Variants in NIBAN1 observed in about 807,000 individuals in gnomAD.
NIBAN1 encodes protein Niban 1.
Under a neutral mutation model 75.1 loss-of-function variants are expected in NIBAN1, and 81 were observed. That is an observed-to-expected ratio of 1.08 (90% CI 0.90 to 1.30). NIBAN1 has a LOEUF of 1.30. Among genes scored for constraint, NIBAN1 ranks in the 50% most tolerant of loss-of-function variants. NIBAN1 has a pLI of 0.00. For missense variants in NIBAN1, 1,133 were observed against 1,128.1 expected (o/e 1.00, Z -0.06); for synonymous variants, 436 against 424.8 (o/e 1.03, Z -0.32).
rs530959486 is a variant in NIBAN1 at position 184,925,582 on chromosome 1, A to AT, written c.56-26274dup. On this transcript the variant is annotated intron_variant, in intron 1 of 13. Coordinates refer to ENST00000367511, the MANE Select transcript of NIBAN1 (RefSeq NM_052966.4). ...TTTTTATTTTTTTGTTTGTTATATGATTTTTTTATTTGAGGCTACCATGAG... is the reference window on the plus strand; with the variant it reads ...TTTTTATTTTTTTGTTTGTTATATGATTTTTTTTATTTGAGGCTACCATGAG... 2.1e-4 allele frequency among the ~76,000 whole-genome samples: 32 copies of AT among 150,164 alleles called. 1 individual carries two copies. The South Asian group carries it at 6.5e-3, about 30-fold the overall frequency.
chr1:184,810,819 T>C (rs893933439), intron 9 of NIBAN1, among the ~76,000 whole-genome samples: 2 of 152,154 alleles, frequency 1.3e-5, no homozygotes, highest in Non-Finnish European at 2.9e-5. Flanking sequence ...TCAGGTAAAC[T>C]CCTTTAAATT....
intron 9 of NIBAN1, among the ~76,000 whole-genome samples, chr1:184,816,333 C>CA (rs879696512): frequency 2.6e-5 from 4 of 152,128 alleles, no homozygotes; most frequent in Non-Finnish European, 5.9e-5. Context: ...ACTGAAATGA[C>CA]AAAAGCTGAA....
At chr1:184,956,505 A>G (rs1400961688) in intron 1 of NIBAN1, among the ~76,000 whole-genome samples, 1 of 152,236 alleles carries the variant, frequency 6.6e-6, no homozygotes, top group Admixed American at 6.5e-5. Context: ...TTTGTCACCA[A>G]TAGAGCTCAC....
Position 184,876,173 on chromosome 1 carries a change from C to T in NIBAN1, c.601+8460G>A, listed in dbSNP as rs549686308. The stretch of plus-strand genomic sequence containing the variant: ...GGGTAATAAGAGTGAAACTTCGTCT[C>T]CAGAAAAAAAAAAAAAGAAAAGAGG... On this transcript the variant is annotated intron_variant, in intron 5 of 13. Coordinates refer to ENST00000367511, the MANE Select transcript of NIBAN1 (RefSeq NM_052966.4). 1.3e-3 allele frequency among the ~76,000 whole-genome samples: 186 copies of T among 146,748 alleles called. 1 individual carries two copies. The highest frequency in any genetic ancestry group is 4.5e-3 in the African/African-American group (178 of 39,704).
chr1:184,910,152 C>T (rs956832450), intron 1 of NIBAN1, among the ~76,000 whole-genome samples: 5 of 152,036 alleles, frequency 3.3e-5, no homozygotes, highest in African/African-American at 1.2e-4. Flanking sequence ...AGGTGAAATT[C>T]ACTTACTTCT....
intron 5 of NIBAN1, among the ~76,000 whole-genome samples, chr1:184,882,521 G>A (rs532092): frequency 0.37 from 55,567 of 152,030 alleles, 11,127 homozygotes; most frequent in South Asian, 0.5. Flanking sequence ...ACAGTTTCTG[G>A]GCAGAGGAAT....
chr1:184,841,172 C>T (rs949031523), intron 5 of NIBAN1, among the ~76,000 whole-genome samples: 1 of 151,848 alleles, frequency 6.6e-6, no homozygotes, highest in Non-Finnish European at 1.5e-5. Context: ...AAAAACACAT[C>T]CATATAAGTA....
intron 8 of NIBAN1, chr1:184,821,373 T>A (rs942448936): frequency 3.9e-5 from 6 of 152,212 alleles, no homozygotes; most frequent in Non-Finnish European, 8.8e-5. Context: ...GGTGGAGCAC[T>A]GGATGCCTAG....
chr1:184,899,010 A>T (rs1656876602), intron 2 of NIBAN1, among the ~76,000 whole-genome samples, 169 bp downstream of exon 2: 2 of 152,244 alleles, frequency 1.3e-5, no homozygotes, highest in Admixed American at 1.3e-4. Context: ...CAGCAACAAG[A>T]AATCATACAT....
chr1:184,872,452 T>A (rs1271703158), intron 5 of NIBAN1, among the ~76,000 whole-genome samples: 2 of 152,180 alleles, frequency 1.3e-5, no homozygotes, highest in African/African-American at 4.8e-5. Context: ...ACGCCTGTAA[T>A]GCCAGCATTT....
chr1:184,960,883 G>C (rs1658617816), intron 1 of NIBAN1, among the ~76,000 whole-genome samples: 1 of 151,880 alleles, frequency 6.6e-6, no homozygotes, highest in African/African-American at 2.4e-5. Flanking sequence ...ACCTGCCTCG[G>C]ACTCCCAAAG....
At chr1:184,881,315 G>A (rs1165611770) in intron 5 of NIBAN1, among the ~76,000 whole-genome samples, 5 of 152,094 alleles carry the variant, frequency 3.3e-5, no homozygotes, top group Non-Finnish European at 7.3e-5. Context: ...CACCCTATAA[G>A]GAAAAGCAGG....
chr1:184,805,663 C>T (rs1239028387), intron 11 of NIBAN1, among the ~76,000 whole-genome samples: 1 of 152,128 alleles, frequency 6.6e-6, no homozygotes, highest in Non-Finnish European at 1.5e-5. Flanking sequence ...TTATAGTGGA[C>T]AGCTAATACG....
chr1:184,854,135 T>C (rs946284835), intron 5 of NIBAN1, among the ~76,000 whole-genome samples: 1 of 152,164 alleles, frequency 6.6e-6, no homozygotes, highest in Non-Finnish European at 1.5e-5. Flanking sequence ...TACAGCACAT[T>C]TGAGTTTGGA....
intron 9 of NIBAN1, among the ~76,000 whole-genome samples, chr1:184,817,938 G>T (rs902456823): frequency 5.3e-5 from 8 of 152,188 alleles, no homozygotes; most frequent in African/African-American, 1.2e-4. Context: ...GGCAAATGCC[G>T]AGCTGTAACC....
At chr1:184,827,434 C>A (rs1654871261) in intron 6 of NIBAN1, among the ~76,000 whole-genome samples, 1 of 151,892 alleles carries the variant, frequency 6.6e-6, no homozygotes. Flanking sequence ...GTCTTAAGGT[C>A]TTGGGCTTTT....
In NIBAN1 at chr1:184,819,590, G is replaced by C. The variant is rs114956934; in HGVS notation, c.986-765C>G. On this transcript the variant is annotated intron_variant, in intron 8 of 13. Transcript: ENST00000367511. The stretch of plus-strand genomic sequence containing the variant: ...AACCTGCATTGTTTTCAGAGCAGAG[G>C]TAACTCTCATGATCAGCTAGGAAGA... Among the ~76,000 whole-genome samples, 1,214 of 152,298 alleles carry C rather than the reference G, an allele frequency of 8.0e-3. 14 individuals carry two copies. Among genetic ancestry groups the C allele is most frequent in the African/African-American group, 0.028 (1,151 of 41,546 alleles).
rs1372461971 is a variant in NIBAN1 at position 184,794,510 on chromosome 1, A to T, written c.*467T>A. ...CTCTCTTGCAGTCTGACTGTGGACA[A>T]ATGCCGAGTCCTTAAGAGATGGTGA... On this transcript the variant is annotated 3_prime_UTR_variant, in exon 14 of 14. Transcript: ENST00000367511. The T allele has an allele frequency of 4.2e-6, 1 of 240,750 alleles. No homozygotes were observed. Among genetic ancestry groups the T allele is most frequent in the African/African-American group, 2.3e-5 (1 of 43,074 alleles). The allele number at this position is 240,750 out of a possible 1,614,324, so 14.9% of individuals were successfully genotyped here.
At chr1:184,853,520 T>G (rs1484762866) in intron 5 of NIBAN1, among the ~76,000 whole-genome samples, 1 of 152,258 alleles carries the variant, frequency 6.6e-6, no homozygotes, top group East Asian at 1.9e-4. Context: ...ATTCATCCTA[T>G]TTTTAAAACA....
Sources: allele counts gnomAD v4.1 joint callset (sites outside exome capture counted in the v4.1 genomes callset), GRCh38; gene constraint gnomAD v4.1.1; transcripts MANE v1.5; gene names NCBI Gene and HGNC (gene_info 2026-07-23, HGNC 2026-07-21).